TTN: variants seen among roughly 807,000 people sequenced by gnomAD.
The protein encoded by TTN is titin.
Under a neutral mutation model 3,223.0 loss-of-function variants are expected in TTN, and 1,525 were observed. The observed-to-expected ratio is 0.47, with a 90% CI of 0.45 to 0.49. TTN has a LOEUF of 0.49. TTN is among the 20% of genes least tolerant of loss of function. The pLI, the probability that TTN is intolerant of heterozygous loss-of-function variation, is 0.00. For synonymous variants in TTN, 14,094 were observed against 15,161.0 expected, an observed-to-expected ratio of 0.93 and a Z score of 5.17; for missense variants, 40,786 against 43,424.0, an observed-to-expected ratio of 0.94 and a Z score of 5.40.
At chr2:178,747,004 T>A in intron 47 of TTN, 4 of 1,613,492 alleles carry the variant, frequency 2.5e-6, no homozygotes, top group Non-Finnish European at 3.4e-6. Context: ...TTGATGGATA[T>A]GTTTTAAAAG....
intron 359 of TTN, among the ~76,000 whole-genome samples, chr2:178,529,642 G>A (rs1688172437): frequency 2.0e-5 from 3 of 152,152 alleles, no homozygotes; most frequent in Admixed American, 6.5e-5. Context: ...CAACTGTGAA[G>A]GTTTAGGCAA....
rs773467994 is a variant in TTN, at chr2:178,532,457, C to T, written c.104158G>A (p.Glu34720Lys). 2.5e-6 allele frequency: 4 copies of T among 1,614,004 alleles called. No homozygotes were observed. The highest frequency in any genetic ancestry group is 3.4e-6 in the Non-Finnish European group (4 of 1,179,880). Residue 34720 changes from glutamate to lysine, a missense_variant, in exon 358 of 363, where the codon GAG becomes AAG. By Grantham distance (56) the Glu-to-Lys change is moderately conservative (BLOSUM62 1). Transcript: ENST00000589042. ...TACCTGAAGTCTTTTCTTGTTTCCT[C>T]CACCTTGACATGAGCTTGTGGTGAA... ...YSSPQAHVKVEETRKDFRYST... is the reference protein window; with the variant it reads ...YSSPQAHVKVKETRKDFRYST...
rs1404311137 is a variant in TTN, at chr2:178,532,449, T to G, written c.104166A>C (p.Thr34722=). 2 of 1,613,896 alleles carry G rather than the reference T, an allele frequency of 1.2e-6. No individual in the cohort carries two copies. Among genetic ancestry groups the G allele is most frequent in the Non-Finnish European group, 1.7e-6 (2 of 1,179,870 alleles). The change falls in exon 358 of 363, where the codon ACA becomes ACC. Residue 34722 remains threonine (T), a synonymous_variant. Coordinates refer to ENST00000589042, the MANE Select transcript of TTN (RefSeq NM_001267550.2). ...AGGTTGAATACCTGAAGTCTTTTCT[T>G]GTTTCCTCCACCTTGACATGAGCTT... ...SPQAHVKVEE[T]RKDFRYSTYH...
In TTN at chr2:178,608,401, T is replaced by C. The variant is rs1286459386; in HGVS notation, c.52482A>G (p.Pro17494=). The change falls in exon 275 of 363, where the codon CCA becomes CCG. Residue 17494 remains proline (P), a synonymous_variant. Transcript: ENST00000589042. ...SNSMLVKWNE[P]KDNGSPILGY... Reference sequence around the variant, plus strand: ...CCAAAATGGGGCTTCCATTATCTTTTGGTTCATTCCATTTCACTAGCATAC... The same window carrying C: ...CCAAAATGGGGCTTCCATTATCTTTCGGTTCATTCCATTTCACTAGCATAC... The C allele has an allele frequency of 6.8e-6, 11 of 1,610,390 alleles. No homozygotes were observed. In the South Asian group the frequency reaches 1.2e-4, roughly 18 times the overall value.
chr2:178,552,473 C>A lies in TTN; in HGVS notation c.90427G>T (p.Val30143Leu). ...LSDIPGAQVT[V>L]RIGHNVHLEL... ...AGGTGCACATTGTGCCCAATTCTCA[C>A]AGTGACTTGTGCCCCAGGGATATCT... Residue 30143 changes from valine to leucine, a missense_variant, in exon 335 of 363, where the codon GTG becomes TTG. Transcript: ENST00000589042. The A allele has an allele frequency of 6.2e-7, 1 of 1,610,758 alleles. No homozygotes were observed. Among genetic ancestry groups the A allele is most frequent in the Non-Finnish European group, 8.5e-7 (1 of 1,177,394 alleles).
intron 285 of TTN, 21 bp downstream of exon 285, chr2:178,601,861 T>C (rs1474970802): frequency 6.2e-7 from 1 of 1,608,292 alleles, no homozygotes; most frequent in South Asian, 1.1e-5. Flanking sequence ...TTCTGAATTA[T>C]TTTAATTATT....
rs771633297 is a variant in TTN, at chr2:178,545,425, G to T, written c.95685C>A (p.Ser31895Arg). Residue 31895 changes from serine (S) to arginine (R), a missense_variant, in exon 344 of 363, where the codon AGC becomes AGA. Ser to Arg is a moderately radical substitution (Grantham distance 110). Coordinates refer to ENST00000589042, the MANE Select transcript of TTN (RefSeq NM_001267550.2). ...TGCATGAGATGAAGTTGGAAGCTTCGCTGGGCTCACTGTTACCAGCTGCAT... is the reference window on the plus strand; with the variant it reads ...TGCATGAGATGAAGTTGGAAGCTTCTCTGGGCTCACTGTTACCAGCTGCAT... ...AVNAAGNSEP[S>R]EASNFISCRE... 3.8e-6 allele frequency: 6 copies of T among 1,599,068 alleles called. No individual in the cohort carries two copies. The highest frequency in any genetic ancestry group is 5.1e-6 in the Non-Finnish European group (6 of 1,169,518).
Position 178,636,511 on chromosome 2 carries a change from T to C in TTN, c.41216A>G (p.Lys13739Arg). The C allele has an allele frequency of 6.2e-7, 1 of 1,613,496 alleles. No individual in the cohort carries two copies. Among genetic ancestry groups the C allele is most frequent in the Non-Finnish European group, 8.5e-7 (1 of 1,179,588 alleles). ...SPKHRFIADG[K>R]DRKLHIIDVQ... ...ATCAATGATGTGCAGCTTTCTGTCT[T>C]TACCATCTGCAATAAACCTGTGCTT... The change falls in exon 225 of 363, where the codon AAA becomes AGA. Residue 13739 changes from lysine (K) to arginine (R), a missense_variant. Physicochemically the swap from Lys to Arg is conservative, Grantham distance 26. Coordinates refer to ENST00000589042, the MANE Select transcript of TTN (RefSeq NM_001267550.2). This position sits in a 1 kb window ranked among gnomAD's most constrained non-coding sequence, Gnocchi z 4.3.
rs1553492053 is a variant in TTN at position 178,533,369 on chromosome 2, A to G, written c.103246T>C (p.Leu34416=). 6 of 1,613,570 alleles carry G rather than the reference A, an allele frequency of 3.7e-6. No individual in the cohort carries two copies. The highest frequency in any genetic ancestry group is 4.2e-6 in the Non-Finnish European group (5 of 1,179,842). ...GPNIEIIHEG[L]DYYALHIRDT... ...CTGATGTGCAGAGCATAATAATCCA[A>G]GCCTTCATGGATAATTTCAATGTTA... Residue 34416 remains leucine, a synonymous_variant, in exon 358 of 363, where the codon TTG becomes CTG. Coordinates refer to ENST00000589042, the MANE Select transcript of TTN (RefSeq NM_001267550.2).
At chr2:178,681,490 C>T in intron 136 of TTN, 40 bp from the exon 137 acceptor site, 1 of 1,558,740 alleles carries the variant, frequency 6.4e-7, no homozygotes, top group Non-Finnish European at 8.7e-7. Flanking sequence ...AAAATTGAAA[C>T]AGGTTTCTCA....
intron 115 of TTN, 94 bp downstream of exon 115, chr2:178,695,254 A>T: frequency 1.1e-6 from 1 of 899,836 alleles, no homozygotes; most frequent in South Asian, 1.9e-5. Flanking sequence ...AGTTGTGCCT[A>T]TTGGATTGAA....
chr2:178,636,207 C>T lies in TTN; in HGVS notation c.41364G>A (p.Glu13788=), dbSNP rs2154230636. Residue 13788 remains glutamate (E), a synonymous_variant, in exon 226 of 363, where the codon GAG becomes GAA. Coordinates refer to ENST00000589042, the MANE Select transcript of TTN (RefSeq NM_001267550.2). This position sits in a 1 kb window ranked among gnomAD's most constrained non-coding sequence, Gnocchi z 4.3. ...GCTGTCCTTTGACCACTGTGACTTCCTCTTCCAGTGTTTTTACAAAACGCA... is the reference window on the plus strand; with the variant it reads ...GCTGTCCTTTGACCACTGTGACTTCTTCTTCCAGTGTTTTTACAAAACGCA... ...LPVRFVKTLE[E]EVTVVKGQPL... The T allele has an allele frequency of 6.3e-7, 1 of 1,598,770 alleles. No homozygotes were observed. Among genetic ancestry groups the T allele is most frequent in the Non-Finnish European group, 8.5e-7 (1 of 1,170,978 alleles).
At chr2:178,748,955 A>T (rs2084531754) in intron 47 of TTN, 1 of 1,612,374 alleles carries the variant, frequency 6.2e-7, no homozygotes, top group African/African-American at 1.3e-5. Flanking sequence ...AGGATTAACA[A>T]TTGATGTTCT....
rs2084652489 is a variant in TTN, at chr2:178,749,283, G to A, written c.11311+3841C>T. 7.4e-6 allele frequency: 12 copies of A among 1,611,226 alleles called. No individual in the cohort carries two copies. In the East Asian group the frequency reaches 2.7e-4, roughly 36 times the overall value. On this transcript the variant is annotated intron_variant, in intron 47 of 362. Transcript: ENST00000589042. ...GGATAAACAGTACCCTCTGCTTGGT[G>A]CAGCTTTGATTTTTCACTTACATGT...
Position 178,568,416 on chromosome 2 carries a change from C to T in TTN, c.77716G>A (p.Glu25906Lys), listed in dbSNP as rs56341835. 1,353 of 1,613,190 alleles carry T rather than the reference C, an allele frequency of 8.4e-4. 2 individuals carry two copies. Among genetic ancestry groups the T allele is most frequent in the Non-Finnish European group, 1.1e-3 (1,267 of 1,179,554 alleles). The change falls in exon 326 of 363, where the codon GAA becomes AAA. Residue 25906 changes from glutamate (E) to lysine (K), a missense_variant. Glu to Lys is a moderately conservative substitution (Grantham distance 56). Transcript: ENST00000589042. Reference sequence around the variant, plus strand: ...GGGTTCCAAGATAATGTAATACTTTCAGCACTGACGTCATCAAATTTAACA... The same window carrying T: ...GGGTTCCAAGATAATGTAATACTTTTAGCACTGACGTCATCAAATTTAACA... ...GPVKFDDVSA[E>K]SITLSWNPPL...
intron 137 of TTN, 29 bp downstream of exon 137, chr2:178,681,347 T>C: frequency 1.3e-6 from 2 of 1,586,866 alleles, no homozygotes; most frequent in Non-Finnish European, 1.7e-6. Flanking sequence ...AACAAAGTTG[T>C]TTTTGGTGAT....
At chr2:178,780,236 A>G (rs1160732413) in intron 21 of TTN, 31 bp from the exon 22 acceptor site, 2 of 1,571,408 alleles carry the variant, frequency 1.3e-6, no homozygotes, top group Non-Finnish European at 1.8e-6. Flanking sequence ...TTAATTTTTA[A>G]TGCTCTTATT....
chr2:178,764,090 T>C (rs1038223397), intron 43 of TTN, 87 bp downstream of exon 43: 2 of 1,582,894 alleles, frequency 1.3e-6, no homozygotes, highest in African/African-American at 1.3e-5. Context: ...TGAGAGATGT[T>C]TGTGATGGAG....
chr2:178,619,088 G>A, intron 250 of TTN: 1 of 569,890 alleles, frequency 1.8e-6, no homozygotes, highest in Non-Finnish European at 3.0e-6. Context: ...CATAAGACAT[G>A]CATTCCTTGC....
Sources: allele counts gnomAD v4.1 joint callset (sites outside exome capture counted in the v4.1 genomes callset), GRCh38; gene constraint gnomAD v4.1.1; non-coding constraint Gnocchi (gnomAD v3.1); transcripts MANE v1.5; gene names NCBI Gene and HGNC (gene_info 2026-07-23, HGNC 2026-07-21).